Variants in FHIT observed in about 807,000 individuals in gnomAD.
FHIT encodes fragile histidine triad diadenosine triphosphatase.
FHIT carries 19 observed loss-of-function variants against 17.9 expected under a neutral mutation model. The observed-to-expected ratio is 1.06, with a 90% CI of 0.74 to 1.56. FHIT has a LOEUF of 1.56. Ranked by LOEUF, FHIT falls within the 40% of genes most tolerant of loss-of-function variation. The probability of loss-of-function intolerance (pLI) is 0.00; values close to 1 mark genes in which losing one functional copy is unlikely to be tolerated. For synonymous variants in FHIT, 81 were observed against 69.7 expected (o/e 1.16, Z -0.81); for missense variants, 248 against 189.2 (o/e 1.31, Z -1.82).
chr3:60,098,933 T>C (rs145246447), intron 5 of FHIT, among the ~76,000 whole-genome samples: 2 of 152,316 alleles, frequency 1.3e-5, no homozygotes, highest in East Asian at 3.9e-4. Flanking sequence ...AGTTGTATTC[T>C]GTTAGCTCAC....
intron 3 of FHIT, among the ~76,000 whole-genome samples, chr3:60,822,865 C>T (rs771234702): frequency 3.9e-5 from 6 of 152,146 alleles, no homozygotes; most frequent in African/African-American, 7.2e-5. Context: ...GCACTAATCC[C>T]CTAACTGGCT....
At chr3:60,313,758 C>T (rs918470830) in intron 5 of FHIT, among the ~76,000 whole-genome samples, 1 of 152,040 alleles carries the variant, frequency 6.6e-6, no homozygotes, top group Non-Finnish European at 1.5e-5. Context: ...AAAAGAAAAT[C>T]TGAGAGGATG....
At chr3:59,816,929 T>G (rs897664495) in intron 8 of FHIT, among the ~76,000 whole-genome samples, 1 of 152,206 alleles carries the variant, frequency 6.6e-6, no homozygotes, top group African/African-American at 2.4e-5. Context: ...CAGGGTGGGA[T>G]GGACAGACTC....
intron 4 of FHIT, among the ~76,000 whole-genome samples, chr3:60,818,113 C>A (rs1701801520): frequency 6.6e-6 from 1 of 152,004 alleles, no homozygotes; most frequent in Non-Finnish European, 1.5e-5. Context: ...GTTCTTTTTG[C>A]AGTTTCTGTT....
intron 1 of FHIT, among the ~76,000 whole-genome samples, chr3:61,235,528 G>C (rs2040209400): frequency 6.6e-6 from 1 of 152,134 alleles, no homozygotes. Context: ...CAAGCATCCT[G>C]GTTTAAGAAC....
At chr3:60,828,621 G>C (rs879966049) in intron 3 of FHIT, among the ~76,000 whole-genome samples, 1 of 152,184 alleles carries the variant, frequency 6.6e-6, no homozygotes, top group Non-Finnish European at 1.5e-5. Context: ...GCTCATGCCT[G>C]TAATCCCAGC....
At chr3:59,869,661 T>G (rs1419133019) in intron 8 of FHIT, among the ~76,000 whole-genome samples, 2 of 151,044 alleles carry the variant, frequency 1.3e-5, no homozygotes, top group Non-Finnish European at 3.0e-5. Context: ...TTTTTTTTTT[T>G]TGTATTTTTA....
At chr3:61,190,306 T>C (rs1288901759) in intron 2 of FHIT, among the ~76,000 whole-genome samples, 6 of 152,136 alleles carry the variant, frequency 3.9e-5, no homozygotes, top group African/African-American at 9.7e-5. Context: ...AAGACATTTA[T>C]GCAGCCAAAA....
At chr3:60,398,180 A>G (rs924311212) in intron 5 of FHIT, among the ~76,000 whole-genome samples, 1 of 152,150 alleles carries the variant, frequency 6.6e-6, no homozygotes, top group African/African-American at 2.4e-5. Flanking sequence ...CAAAGTCTCT[A>G]CTATAGATCT....
intron 4 of FHIT, among the ~76,000 whole-genome samples, chr3:60,561,392 T>A (rs2107644260): frequency 6.6e-6 from 1 of 152,084 alleles, no homozygotes; most frequent in Admixed American, 6.5e-5. Flanking sequence ...ACAACCAAGT[T>A]ATAGAAGTGG....
At chr3:60,713,001 T>C (rs1165878542) in intron 4 of FHIT, among the ~76,000 whole-genome samples, 1 of 150,610 alleles carries the variant, frequency 6.6e-6, no homozygotes, top group Non-Finnish European at 1.5e-5. Context: ...ACCACACCTG[T>C]TCTAAAATTG....
At chr3:60,823,536 T>C (rs1702004418) in intron 3 of FHIT, among the ~76,000 whole-genome samples, 1 of 151,756 alleles carries the variant, frequency 6.6e-6, no homozygotes, top group Non-Finnish European at 1.5e-5. Context: ...AAGGCAGAGA[T>C]TGGAGTTATG....
chr3:61,013,102 T>C (rs2031890154), intron 3 of FHIT, among the ~76,000 whole-genome samples: 1 of 152,156 alleles, frequency 6.6e-6, no homozygotes, highest in African/African-American at 2.4e-5. Flanking sequence ...TTGCAACTCT[T>C]TAAACTTATA....
Position 59,763,683 on chromosome 3 carries a change from T to G in FHIT, c.349-11362A>C, listed in dbSNP as rs562021068. ...CTTGGGAGGGAATAAAAGAGGGAGC[T>G]ACCTGAGACAATATGGTCAGAAAAG... On this transcript the variant is annotated intron_variant, in intron 8 of 9. Coordinates refer to ENST00000492590, the MANE Select transcript of FHIT (RefSeq NM_002012.4). Among the ~76,000 whole-genome samples, 3 of 152,278 alleles carry G rather than the reference T, an allele frequency of 2.0e-5. No individual in the cohort carries two copies. The East Asian group carries it at 5.8e-4, about 29-fold the overall frequency.
intron 5 of FHIT, among the ~76,000 whole-genome samples, chr3:60,504,936 G>A (rs1446637158): frequency 6.6e-6 from 1 of 152,138 alleles, no homozygotes; most frequent in Non-Finnish European, 1.5e-5. Context: ...AGTTCAAAGT[G>A]GAAGTCAAAC....
intron 2 of FHIT, among the ~76,000 whole-genome samples, chr3:61,161,258 A>C (rs2037684622): frequency 6.6e-6 from 1 of 150,706 alleles, no homozygotes; most frequent in Non-Finnish European, 1.5e-5. Flanking sequence ...GCTGGAGTGC[A>C]GTGGCGCAAT....
chr3:60,853,614 C>G (rs1361627578), intron 3 of FHIT, among the ~76,000 whole-genome samples: 1 of 152,058 alleles, frequency 6.6e-6, no homozygotes, highest in Non-Finnish European at 1.5e-5. Context: ...AAGCAAACCT[C>G]ACCTTTGTAT....
At chr3:60,701,522 A>G in intron 4 of FHIT, among the ~76,000 whole-genome samples, 1 of 152,084 alleles carries the variant, frequency 6.6e-6, no homozygotes, top group East Asian at 1.9e-4. Context: ...ATGAAATCAC[A>G]GGGAGTCGAA....
At chr3:60,268,368 T>C (rs1280675335) in intron 5 of FHIT, among the ~76,000 whole-genome samples, 2 of 152,220 alleles carry the variant, frequency 1.3e-5, no homozygotes, top group South Asian at 2.1e-4. Context: ...AGTTCATTCA[T>C]AGCAGTTCAT....
Sources: allele counts gnomAD v4.1 joint callset (sites outside exome capture counted in the v4.1 genomes callset), GRCh38; gene constraint gnomAD v4.1.1; transcripts MANE v1.5; gene names NCBI Gene and HGNC (gene_info 2026-07-23, HGNC 2026-07-21).